MAST4: variants seen among roughly 807,000 people sequenced by gnomAD.
MAST4 encodes microtubule associated serine/threonine kinase family member 4.
In MAST4, 89 loss-of-function variants were observed where a neutral mutation model predicts 162.7. The ratio of observed to expected loss-of-function variants is 0.55; its 90% CI spans 0.46 to 0.65. The LOEUF (loss-of-function observed/expected upper bound fraction) is 0.65. Among genes scored for constraint, MAST4 ranks in the 30% least tolerant of loss-of-function variants. The probability of loss-of-function intolerance (pLI) is 0.00; values close to 1 mark genes in which losing one functional copy is unlikely to be tolerated. For missense variants in MAST4, 3,153 were observed against 3,374.0 expected (o/e 0.93, Z 1.62); for synonymous variants, 1,479 against 1,361.1 (o/e 1.09, Z -1.91).
intron 1 of MAST4, among the ~76,000 whole-genome samples, chr5:66,700,184 C>A (rs1749675514): frequency 6.6e-6 from 1 of 152,084 alleles, no homozygotes; most frequent in African/African-American, 2.4e-5. Flanking sequence ...CTATTGGCAG[C>A]AAAGAGAATA....
chr5:66,795,202 G>A (rs1228355250), intron 3 of MAST4, among the ~76,000 whole-genome samples: 2 of 152,204 alleles, frequency 1.3e-5, no homozygotes, highest in South Asian at 2.1e-4. Flanking sequence ...AACCAAAGTT[G>A]TAGAATTCAT....
At chr5:66,837,953 A>G (rs898453071) in intron 3 of MAST4, among the ~76,000 whole-genome samples, 1 of 135,838 alleles carries the variant, frequency 7.4e-6, no homozygotes, top group Non-Finnish European at 1.5e-5. Flanking sequence ...TATACTCACC[A>G]TATTTGTTTG....
chr5:66,683,325 T>A (rs1748445089), intron 1 of MAST4, among the ~76,000 whole-genome samples: 1 of 152,222 alleles, frequency 6.6e-6, no homozygotes, highest in Admixed American at 6.5e-5. Context: ...CTTACTTTGA[T>A]TTTTATTCTG....
intron 3 of MAST4, among the ~76,000 whole-genome samples, chr5:66,871,596 A>C (rs1760933775): frequency 6.6e-6 from 1 of 152,228 alleles, no homozygotes; most frequent in African/African-American, 2.4e-5. Context: ...ACAGACTTTA[A>C]TTGAACAGTT....
At chr5:66,891,063 A>G (rs1238037237) in intron 3 of MAST4, among the ~76,000 whole-genome samples, 2 of 152,090 alleles carry the variant, frequency 1.3e-5, no homozygotes, top group Admixed American at 6.5e-5. Flanking sequence ...AAAATCTGGG[A>G]TTTTATTTTA....
intron 26 of MAST4, among the ~76,000 whole-genome samples, chr5:67,158,020 A>G (rs1772744499): frequency 6.6e-6 from 1 of 152,196 alleles, no homozygotes; most frequent in Non-Finnish European, 1.5e-5. Context: ...ATGGTTCTGC[A>G]CGTCCACTCT....
chr5:67,078,911 AATATATATATATATATATAT>A (rs750951069), intron 5 of MAST4, among the ~76,000 whole-genome samples: 1 of 38,110 alleles, frequency 2.6e-5, no homozygotes, highest in African/African-American at 1.2e-4. Context: ...TTTTTATATA[AATATATATATATATATATAT>A]ATATATATAT....
intron 10 of MAST4, among the ~76,000 whole-genome samples, chr5:67,106,881 T>C (rs1258949503): frequency 6.6e-6 from 1 of 152,090 alleles, no homozygotes; most frequent in East Asian, 1.9e-4. Flanking sequence ...TCAGAAACCA[T>C]GGAAGGGAGG....
At chr5:66,830,533 A>G (rs1351727406) in intron 3 of MAST4, among the ~76,000 whole-genome samples, 3 of 152,230 alleles carry the variant, frequency 2.0e-5, no homozygotes, top group African/African-American at 4.8e-5. Context: ...CGTCCTCTGT[A>G]TAATGGATAA....
intron 1 of MAST4, among the ~76,000 whole-genome samples, chr5:66,675,689 C>G (rs1747900278): frequency 2.0e-5 from 3 of 152,070 alleles, no homozygotes; most frequent in Non-Finnish European, 4.4e-5. Context: ...GCTGGAAGGG[C>G]TAGGGGAGTG....
intron 4 of MAST4, among the ~76,000 whole-genome samples, chr5:66,950,056 T>C (rs1744484518): frequency 6.6e-6 from 1 of 152,100 alleles, no homozygotes; most frequent in Non-Finnish European, 1.5e-5. Flanking sequence ...AAACAGAACA[T>C]GATTCTTGCC....
At chr5:67,078,719 ATTATAT>A (rs1441395988) in intron 5 of MAST4, among the ~76,000 whole-genome samples, 5 of 116,032 alleles carry the variant, frequency 4.3e-5, no homozygotes, top group Admixed American at 8.9e-5. Context: ...ATTTATTTAT[ATTATAT>A]TTATATTTAT....
At chr5:66,737,671 G>A (rs926370113) in intron 1 of MAST4, among the ~76,000 whole-genome samples, 1 of 152,118 alleles carries the variant, frequency 6.6e-6, no homozygotes, top group Non-Finnish European at 1.5e-5. Flanking sequence ...GAGGTCCTGT[G>A]CTTTTATGGA....
intron 1 of MAST4, among the ~76,000 whole-genome samples, chr5:66,694,475 T>G (rs1749262349): frequency 6.6e-6 from 1 of 152,162 alleles, no homozygotes; most frequent in Non-Finnish European, 1.5e-5. Flanking sequence ...AGCTTTTTTT[T>G]CTTTTTTTCT....
chr5:66,666,013 A>G (rs1747233210), intron 1 of MAST4, among the ~76,000 whole-genome samples: 1 of 152,348 alleles, frequency 6.6e-6, no homozygotes. Flanking sequence ...ATACCAGTAC[A>G]TGGGTACTCT....
intron 3 of MAST4, among the ~76,000 whole-genome samples, chr5:66,851,494 G>C (rs981831872): frequency 2.2e-4 from 34 of 152,330 alleles, no homozygotes; most frequent in African/African-American, 7.7e-4. Flanking sequence ...AGTAGCCTCA[G>C]ATGCATTCTT....
intron 5 of MAST4, among the ~76,000 whole-genome samples, chr5:67,061,100 G>A (rs1759518087): frequency 6.6e-6 from 1 of 152,046 alleles, no homozygotes; most frequent in South Asian, 2.1e-4. Flanking sequence ...CCCATTACTT[G>A]GAGATAACCC....
intron 1 of MAST4, among the ~76,000 whole-genome samples, chr5:66,697,319 A>G (rs1178652269): frequency 6.6e-6 from 1 of 152,228 alleles, no homozygotes; most frequent in Non-Finnish European, 1.5e-5. Context: ...CCGATGTACG[A>G]TGTTTCAAAA....
intron 2 of MAST4, among the ~76,000 whole-genome samples, chr5:66,766,705 G>A (rs1022935818): frequency 1.3e-5 from 2 of 152,056 alleles, no homozygotes; most frequent in Non-Finnish European, 2.9e-5. Context: ...ATAAAGTATG[G>A]CTGTTTTATG....
Sources: gnomAD v4.1 joint callset for allele counts (sites outside exome capture counted in the v4.1 genomes callset) on GRCh38, gnomAD v4.1.1 for gene constraint, MANE v1.5 for transcripts, NCBI Gene and HGNC (gene_info 2026-07-23, HGNC 2026-07-21) for gene names.